Variants in CSNK1G1 observed in about 807,000 individuals in gnomAD.
The protein encoded by CSNK1G1 is casein kinase 1 gamma 1.
A neutral mutation model predicts 59.6 loss-of-function variants in CSNK1G1; 22 were observed. The ratio of observed to expected loss-of-function variants is 0.37; its 90% CI spans 0.26 to 0.53. The LOEUF is 0.53. Ranked by LOEUF, CSNK1G1 falls within the 20% of genes least tolerant of loss-of-function variation. CSNK1G1 has a pLI of 0.89. For synonymous variants in CSNK1G1, 179 were observed against 177.1 expected (o/e 1.01, Z -0.08); for missense variants, 384 against 519.5 (o/e 0.74, Z 2.54).
Position 64,166,058 on chromosome 15 carries a change from A to T in CSNK1G1, c.*5873T>A, listed in dbSNP as rs2081599046. The T allele has an allele frequency of 1.5e-6, 1 of 662,774 alleles. No homozygotes were observed. The highest frequency in any genetic ancestry group is 1.7e-5 in the South Asian group (1 of 59,240). The allele number at this position is 662,774 out of a possible 1,614,324, so 41.1% of individuals were successfully genotyped here. The stretch of plus-strand genomic sequence containing the variant: ...ACAGCTGAGCTTTGTGACCAGTGCC[A>T]GGGTTTATGAAACATTATACATCTA... On this transcript the variant is annotated 3_prime_UTR_variant, in exon 12 of 12. Transcript: ENST00000303052. This position sits in a 1 kb window ranked among gnomAD's most constrained non-coding sequence, Gnocchi z 4.5.
chr15:64,327,133 ACAAAGCAGCCG>A (rs1469853580), intron 1 of CSNK1G1, among the ~76,000 whole-genome samples: 1 of 152,186 alleles, frequency 6.6e-6, no homozygotes, highest in Non-Finnish European at 1.5e-5. Flanking sequence ...GCTTAGGTAA[ACAAAGCAGCCG>A]GGAAGCTCGA....
intron 1 of CSNK1G1, among the ~76,000 whole-genome samples, chr15:64,344,579 G>T (rs980585171): frequency 2.6e-5 from 4 of 152,110 alleles, no homozygotes; most frequent in Non-Finnish European, 4.4e-5. Flanking sequence ...CCTGGTACCT[G>T]AAAGAAATAT....
At chr15:64,222,437 C>CAAAAAAA (rs1170075981) in intron 4 of CSNK1G1, among the ~76,000 whole-genome samples, 7 of 68,972 alleles carry the variant, frequency 1.0e-4, no homozygotes, top group South Asian at 5.0e-4. Flanking sequence ...ACAACACCAC[C>CAAAAAAA]AAAAAAAAAA....
At chr15:64,322,449 C>T (rs1196180520) in intron 1 of CSNK1G1, among the ~76,000 whole-genome samples, 3 of 151,438 alleles carry the variant, frequency 2.0e-5, no homozygotes, top group Admixed American at 6.6e-5. Flanking sequence ...GCAATCCTCC[C>T]GCCTTGACTT....
intron 4 of CSNK1G1, among the ~76,000 whole-genome samples, chr15:64,243,092 T>C (rs1891556535): frequency 1.3e-5 from 2 of 151,938 alleles, no homozygotes; most frequent in African/African-American, 4.8e-5. Flanking sequence ...TCCAAGCACT[T>C]TGGGAGGCTT....
chr15:64,168,422 C>G lies in CSNK1G1; in HGVS notation c.*3509G>C, dbSNP rs569046434. 6.6e-6 allele frequency: 1 copy of G among 152,420 alleles called. No homozygotes were observed. 9.4% of individuals were successfully genotyped at this position (152,420 alleles called of 1,614,324 possible). A position where few individuals can be genotyped will look rare whatever the true frequency, so the allele number is the denominator to read the frequency against. ...TTACTGCAGAGACACAAGTGATACC[C>G]TGGTCAAAAGGGAGTAGGGGGGACC... On this transcript the variant is annotated 3_prime_UTR_variant, in exon 12 of 12. Transcript: ENST00000303052.
chr15:64,294,228 A>G (rs771026634), intron 2 of CSNK1G1, among the ~76,000 whole-genome samples: 83 of 152,130 alleles, frequency 5.5e-4, no homozygotes, highest in Non-Finnish European at 7.9e-4. Flanking sequence ...GTCCGTCACC[A>G]AGCCCGGCTA....
intron 2 of CSNK1G1, among the ~76,000 whole-genome samples, chr15:64,280,273 C>T (rs1298231550): frequency 6.6e-6 from 1 of 152,104 alleles, no homozygotes; most frequent in East Asian, 1.9e-4. Context: ...TGAAAAAAGA[C>T]AGCCCTTCTC....
chr15:64,218,411 T>A (rs1596110448), intron 4 of CSNK1G1, among the ~76,000 whole-genome samples: 1 of 151,980 alleles, frequency 6.6e-6, no homozygotes, highest in African/African-American at 2.4e-5. Context: ...TTTTTTTTTT[T>A]AGACAGAGTC....
intron 1 of CSNK1G1, among the ~76,000 whole-genome samples, chr15:64,316,408 C>T (rs759653515): frequency 6.6e-5 from 10 of 151,710 alleles, no homozygotes; most frequent in African/African-American, 1.9e-4. Flanking sequence ...TGGTGGCACA[C>T]GCCTGTAGTC....
In CSNK1G1 at chr15:64,216,451, G is replaced by A; in HGVS notation, c.444+111C>T. Reference sequence around the variant, plus strand: ...AGCTTCCCAGAATGCCATCAAGCCTGTGAGTACTAATTCTTGATGTGTTGC... The same window carrying A: ...AGCTTCCCAGAATGCCATCAAGCCTATGAGTACTAATTCTTGATGTGTTGC... On this transcript the variant is annotated intron_variant, in intron 5 of 11. Transcript: ENST00000303052. The surrounding 1 kb of genome is among the most constrained non-coding windows in gnomAD (Gnocchi z 4.6). 1.9e-6 allele frequency: 2 copies of A among 1,073,140 alleles called. No individual in the cohort carries two copies. The highest frequency in any genetic ancestry group is 5.1e-5 in the East Asian group (2 of 39,578). 66.5% of individuals were successfully genotyped at this position (1,073,140 alleles called of 1,614,324 possible).
chr15:64,308,864 T>A (rs920569632), intron 1 of CSNK1G1, among the ~76,000 whole-genome samples: 1 of 149,782 alleles, frequency 6.7e-6, no homozygotes, highest in Non-Finnish European at 1.5e-5. Flanking sequence ...GCCACTGCAC[T>A]CCAGCCTGGG....
intron 4 of CSNK1G1, among the ~76,000 whole-genome samples, chr15:64,236,929 A>G (rs1343339071): frequency 2.0e-5 from 3 of 152,248 alleles, no homozygotes; most frequent in East Asian, 3.8e-4. Context: ...AAAATGTGGT[A>G]TACATACATA....
rs1249151803 is a variant in CSNK1G1 at position 64,213,920 on chromosome 15, A to T, written c.649T>A (p.Tyr217Asn). ...CCAAGATGCGTGTTGATAGACATAT[A>T]TCTTGCAGTTCCAGTTAAACTTTTG... ...EHKSLTGTAR[Y>N]MSINTHLGKE... is the part of the protein sequence containing the mutation. The change falls in exon 6 of 12, where the codon TAT (tyrosine) becomes AAT (asparagine). Residue 217 changes from tyrosine (Y) to asparagine (N), a missense_variant. By Grantham distance (143) the Tyr-to-Asn change is moderately radical. This residue lies in a region of CSNK1G1 where 325 missense variants were observed against 440.9 expected (regional missense o/e 0.74). Coordinates refer to ENST00000303052, the MANE Select transcript of CSNK1G1 (RefSeq NM_022048.5). The T allele has an allele frequency of 1.2e-6, 2 of 1,613,944 alleles. No homozygotes were observed. The highest frequency in any genetic ancestry group is 8.5e-7 in the Non-Finnish European group (1 of 1,179,890).
intron 6 of CSNK1G1, among the ~76,000 whole-genome samples, chr15:64,212,743 C>T (rs1011731208): frequency 1.3e-5 from 2 of 152,042 alleles, no homozygotes; most frequent in African/African-American, 2.4e-5. Context: ...CGGTGGCTCA[C>T]ACCTGTAATC....
chr15:64,329,042 C>T (rs1034302467), intron 1 of CSNK1G1, among the ~76,000 whole-genome samples: 1 of 147,938 alleles, frequency 6.8e-6, no homozygotes, highest in Admixed American at 6.8e-5. Flanking sequence ...GAGTGACCTA[C>T]AAAGAGACTT....
chr15:64,334,352 T>C (rs1897264851), intron 1 of CSNK1G1, among the ~76,000 whole-genome samples: 1 of 152,060 alleles, frequency 6.6e-6, no homozygotes, highest in South Asian at 2.1e-4. Flanking sequence ...TCAACCTTTT[T>C]GGCACAAGGA....
chr15:64,294,400 G>A (rs1894903825), intron 2 of CSNK1G1, among the ~76,000 whole-genome samples: 1 of 151,992 alleles, frequency 6.6e-6, no homozygotes, highest in African/African-American at 2.4e-5. Flanking sequence ...AGCACAATTT[G>A]ATTGCATTTC....
At chr15:64,280,523 G>T (rs1302227603) in intron 2 of CSNK1G1, among the ~76,000 whole-genome samples, 1 of 151,854 alleles carries the variant, frequency 6.6e-6, no homozygotes, top group Non-Finnish European at 1.5e-5. Context: ...AAATAGCCCG[G>T]CTAATTTTTT....
Sources: gnomAD v4.1 joint callset for allele counts (sites outside exome capture counted in the v4.1 genomes callset) on GRCh38, gnomAD v4.1.1 for gene constraint, gnomAD v4.1.1 regional missense constraint, Gnocchi (gnomAD v3.1) non-coding constraint, MANE v1.5 for transcripts, NCBI Gene and HGNC (gene_info 2026-07-23, HGNC 2026-07-21) for gene names.